Variants in ADCY2 observed in about 807,000 individuals in gnomAD.
ADCY2 encodes adenylate cyclase 2, also known as adenylate cyclase type 2.
ADCY2 carries 31 observed loss-of-function variants against 125.2 expected under a neutral mutation model. The observed-to-expected ratio is 0.25, with a 90% CI of 0.19 to 0.33. ADCY2 has a LOEUF of 0.33. Ranked by LOEUF, ADCY2 falls within the 10% of genes least tolerant of loss-of-function variation. The probability of loss-of-function intolerance (pLI) is 1.00; values close to 1 mark genes in which losing one functional copy is unlikely to be tolerated. For missense variants in ADCY2, 904 were observed against 1,418.2 expected (o/e 0.64, Z 5.82); for synonymous variants, 512 against 548.4 (o/e 0.93, Z 0.93).
chr5:7,750,882 G>T (rs548027179), intron 15 of ADCY2, among the ~76,000 whole-genome samples: 1 of 151,690 alleles, frequency 6.6e-6, no homozygotes, highest in East Asian at 1.9e-4. Context: ...CTCATAATCC[G>T]CTCTAGGTCT....
intron 4 of ADCY2, among the ~76,000 whole-genome samples, chr5:7,632,837 G>C (rs746477415): frequency 3.3e-5 from 5 of 152,164 alleles, no homozygotes; most frequent in Non-Finnish European, 5.9e-5. Flanking sequence ...ATTAACTCCA[G>C]AAAATTGTCA....
intron 14 of ADCY2, among the ~76,000 whole-genome samples, chr5:7,737,348 G>A (rs954518337): frequency 6.6e-6 from 1 of 152,160 alleles, no homozygotes; most frequent in Admixed American, 6.5e-5. Context: ...AGGCTCCTGG[G>A]CTTTCTTGCA....
chr5:7,514,197 A>G (rs1036233597), intron 2 of ADCY2, among the ~76,000 whole-genome samples: 1 of 152,150 alleles, frequency 6.6e-6, no homozygotes, highest in Non-Finnish European at 1.5e-5. Context: ...ACTGAGCCAC[A>G]CTGTGAAAGT....
rs530713099 is a variant in ADCY2, at chr5:7,756,976, G to A, written c.1957-473G>A. Among the ~76,000 whole-genome samples the A allele has an allele frequency of 7.9e-5, 12 of 152,304 alleles. No individual in the cohort carries two copies. The South Asian group carries it at 1.9e-3, about 24-fold the overall frequency. On this transcript the variant is annotated intron_variant, in intron 15 of 24. Transcript: ENST00000338316. ...AGACACCGTATTTGTAAGTTCAGGCGCCAAACTAAGTCTGTGGCCTGGGCT... is the reference window on the plus strand; with the variant it reads ...AGACACCGTATTTGTAAGTTCAGGCACCAAACTAAGTCTGTGGCCTGGGCT...
chr5:7,476,066 G>A (rs996560283), intron 2 of ADCY2, among the ~76,000 whole-genome samples: 6 of 152,068 alleles, frequency 3.9e-5, no homozygotes, highest in African/African-American at 1.2e-4. Flanking sequence ...AAGAAATACC[G>A]CGTCTTCCTG....
At chr5:7,742,693 G>A (rs1044245080) in intron 14 of ADCY2, among the ~76,000 whole-genome samples, 1 of 152,140 alleles carries the variant, frequency 6.6e-6, no homozygotes, top group African/African-American at 2.4e-5. Flanking sequence ...TCTTTCTGTG[G>A]GACTCACAGG....
chr5:7,556,669 C>T (rs1055879407), intron 3 of ADCY2, among the ~76,000 whole-genome samples: 2 of 152,200 alleles, frequency 1.3e-5, no homozygotes, highest in Admixed American at 6.5e-5. Context: ...GAAACTGGGG[C>T]GCACGGCATC....
In ADCY2 at chr5:7,712,904, G is replaced by T. The variant is rs752184229; in HGVS notation, c.1622+5G>T. 1.3e-6 allele frequency: 2 copies of T among 1,596,302 alleles called. No homozygotes were observed. The highest frequency in any genetic ancestry group is 1.1e-5 in the South Asian group (1 of 90,568). Reference sequence around the variant, plus strand: ...TTTTCAAAATCGCACCTTAAGGTATGGTATCTCTCTATCTGATTTTTTAAA... The same window carrying T: ...TTTTCAAAATCGCACCTTAAGGTATTGTATCTCTCTATCTGATTTTTTAAA... On this transcript the variant is annotated splice_donor_5th_base_variant and intron_variant, in intron 11 of 24. Coordinates refer to ENST00000338316, the MANE Select transcript of ADCY2 (RefSeq NM_020546.3).
At chr5:7,725,122 A>T (rs573157414) in intron 13 of ADCY2, among the ~76,000 whole-genome samples, 1 of 152,318 alleles carries the variant, frequency 6.6e-6, no homozygotes, top group African/African-American at 2.4e-5. Flanking sequence ...AGGCACAAAT[A>T]AGTAAGCAGA....
intron 4 of ADCY2, among the ~76,000 whole-genome samples, chr5:7,630,768 T>TTC (rs369482231): frequency 6.6e-6 from 1 of 150,980 alleles, no homozygotes; most frequent in East Asian, 1.9e-4. Flanking sequence ...TTCAATTGCT[T>TTC]TCTCTCTCTC....
intron 17 of ADCY2, 95 bp downstream of exon 17, chr5:7,766,901 T>C: frequency 4.9e-6 from 7 of 1,414,806 alleles, no homozygotes; most frequent in South Asian, 3.5e-5. Flanking sequence ...TGTTCTAGAC[T>C]TTGCATTTCC....
At chr5:7,765,673 C>A (rs2126472299) in intron 16 of ADCY2, among the ~76,000 whole-genome samples, 1 of 152,228 alleles carries the variant, frequency 6.6e-6, no homozygotes, top group Admixed American at 6.5e-5. Flanking sequence ...TCCACAGAAA[C>A]AAACAAAAGC....
At position 7,514,308 on chromosome 5, in the gene ADCY2, T is replaced by A. The variant is rs574180999; in HGVS notation, c.409-6430T>A. ...CCTATCCATGACCGTGATCTACATT[T>A]GCTTAAGCTGTACCTCAACTCTTCT... On this transcript the variant is annotated intron_variant, in intron 2 of 24. Coordinates refer to ENST00000338316, the MANE Select transcript of ADCY2 (RefSeq NM_020546.3). Among the ~76,000 whole-genome samples, 6 of 152,354 alleles carry A rather than the reference T, an allele frequency of 3.9e-5. No homozygotes were observed. The East Asian group carries it at 1.2e-3, about 29-fold the overall frequency.
intron 3 of ADCY2, among the ~76,000 whole-genome samples, chr5:7,570,158 G>T (rs1219257102): frequency 2.0e-5 from 3 of 151,872 alleles, no homozygotes; most frequent in East Asian, 1.9e-4. Context: ...GATCATAATT[G>T]GGATTTGTTG....
intron 12 of ADCY2, 137 bp downstream of exon 12, chr5:7,717,374 C>G: frequency 1.9e-6 from 1 of 522,630 alleles, no homozygotes; most frequent in Middle Eastern, 3.1e-4. Flanking sequence ...AGTTGTCCCT[C>G]AGAATAGTTT....
intron 2 of ADCY2, among the ~76,000 whole-genome samples, chr5:7,489,966 T>C (rs138212728): frequency 4.7e-4 from 72 of 152,230 alleles, no homozygotes; most frequent in African/African-American, 1.5e-3. Flanking sequence ...TATTCCTGAT[T>C]TTTGTGCTTT....
In ADCY2 at chr5:7,816,958, C is replaced by T. The variant is rs1352398628; in HGVS notation, c.2976C>T (p.Phe992=). 6.2e-7 allele frequency: 1 copy of T among 1,614,100 alleles called. No individual in the cohort carries two copies. Among genetic ancestry groups the T allele is most frequent in the Admixed American group, 1.7e-5 (1 of 60,020 alleles). ...TGGATGCCATCAACAAGCACTCCTT[C>T]AACGACTTCAAATTGCGAGTGGGTA... The part of the protein sequence containing the change: ...GKLDAINKHS[F]NDFKLRVGIN... The change falls in exon 23 of 25, where the codon TTC becomes TTT. Residue 992 remains phenylalanine (F), a synonymous_variant. Coordinates refer to ENST00000338316, the MANE Select transcript of ADCY2 (RefSeq NM_020546.3).
chr5:7,729,310 C>A (rs115810366), intron 14 of ADCY2, among the ~76,000 whole-genome samples: 1,766 of 152,146 alleles, frequency 0.012, 26 homozygotes, highest in African/African-American at 0.04. Context: ...CAAATGTTTA[C>A]CCTGTGTGCT....
chr5:7,589,488 A>AAGAAAGAAAG (rs1178418212), intron 3 of ADCY2, among the ~76,000 whole-genome samples: 1 of 65,048 alleles, frequency 1.5e-5, no homozygotes, highest in African/African-American at 3.5e-5. Context: ...GAAAGAAAGA[A>AAGAAAGAAAG]AGAAAGAAAG....
Sources: gnomAD v4.1 joint callset for allele counts (sites outside exome capture counted in the v4.1 genomes callset) on GRCh38, gnomAD v4.1.1 for gene constraint, MANE v1.5 for transcripts, NCBI Gene and HGNC (gene_info 2026-07-23, HGNC 2026-07-21) for gene names.